FAF1: variants seen among roughly 807,000 people sequenced by gnomAD.
FAF1 encodes the protein FAS-associated factor 1.
A neutral mutation model predicts 92.5 loss-of-function variants in FAF1; 25 were observed. That is an observed-to-expected ratio of 0.27 (90% CI 0.20 to 0.38). The LOEUF (loss-of-function observed/expected upper bound fraction) is 0.38. Ranked by LOEUF, FAF1 falls within the 10% of genes least tolerant of loss-of-function variation. FAF1 has a pLI of 1.00. For synonymous variants in FAF1, 234 were observed against 273.2 expected, an observed-to-expected ratio of 0.86 and a Z score of 1.42; for missense variants, 636 against 793.3, an observed-to-expected ratio of 0.80 and a Z score of 2.38.
At chr1:50,483,379 T>C (rs941053018) in intron 17 of FAF1, among the ~76,000 whole-genome samples, 5 of 152,156 alleles carry the variant, frequency 3.3e-5, no homozygotes, top group East Asian at 1.9e-4. Flanking sequence ...AATACCACTA[T>C]GTCTTGATTA....
chr1:50,640,231 AC>A (rs1654258624), intron 8 of FAF1, among the ~76,000 whole-genome samples: 1 of 151,902 alleles, frequency 6.6e-6, no homozygotes, highest in Non-Finnish European at 1.5e-5. Flanking sequence ...GAATTAGTTT[AC>A]CTTAAATATC....
At chr1:50,653,869 C>T (rs1654986269) in intron 8 of FAF1, among the ~76,000 whole-genome samples, 3 of 151,624 alleles carry the variant, frequency 2.0e-5, no homozygotes. Context: ...GATTCCAAGT[C>T]AAAAATAAAT....
chr1:50,876,919 T>C (rs1478245407), intron 1 of FAF1, among the ~76,000 whole-genome samples: 1 of 152,212 alleles, frequency 6.6e-6, no homozygotes, highest in Non-Finnish European at 1.5e-5. Context: ...GAAGTAGTAT[T>C]GAATTACAAC....
intron 13 of FAF1, among the ~76,000 whole-genome samples, chr1:50,556,874 AAAAT>A (rs1356366481): frequency 1.3e-5 from 2 of 151,774 alleles, no homozygotes; most frequent in African/African-American, 2.4e-5. Context: ...AAAATAAAAT[AAAAT>A]AAATAAAATA....
intron 1 of FAF1, among the ~76,000 whole-genome samples, chr1:50,889,977 C>T (rs1644705263): frequency 6.6e-6 from 1 of 152,118 alleles, no homozygotes. Context: ...TTAAAGTCTC[C>T]TATTATTATT....
At chr1:50,557,876 A>G (rs1312458431) in intron 13 of FAF1, among the ~76,000 whole-genome samples, 1 of 152,014 alleles carries the variant, frequency 6.6e-6, no homozygotes, top group Non-Finnish European at 1.5e-5. Flanking sequence ...GATGGCATAT[A>G]TATATTTAAG....
At chr1:50,777,256 GA>G (rs755973344) in intron 4 of FAF1, among the ~76,000 whole-genome samples, 704 of 141,256 alleles carry the variant, frequency 5.0e-3, no homozygotes, top group African/African-American at 0.015. Context: ...TTCAAAAAGT[GA>G]AAAAAAAAAA....
At chr1:50,740,403 C>A (rs915644296) in intron 5 of FAF1, among the ~76,000 whole-genome samples, 10 of 151,996 alleles carry the variant, frequency 6.6e-5, no homozygotes, top group African/African-American at 2.4e-4. Flanking sequence ...AAGCATGGAA[C>A]ATATGGAACT....
At chr1:50,677,839 G>A (rs1569742401) in intron 7 of FAF1, among the ~76,000 whole-genome samples, 3 of 145,642 alleles carry the variant, frequency 2.1e-5, no homozygotes, top group Admixed American at 1.4e-4. Context: ...AGGTTGTGGT[G>A]AGCCGAGATT....
intron 1 of FAF1, among the ~76,000 whole-genome samples, chr1:50,952,297 A>G (rs531651967): frequency 1.2e-3 from 189 of 152,204 alleles, no homozygotes; most frequent in African/African-American, 4.1e-3. Flanking sequence ...TTTGGTGGAG[A>G]CGGGTTTTCG....
At chr1:50,721,288 CG>C (rs1380957074) in intron 6 of FAF1, among the ~76,000 whole-genome samples, 2 of 151,996 alleles carry the variant, frequency 1.3e-5, no homozygotes, top group East Asian at 1.9e-4. Context: ...GATCTCTGCT[CG>C]CTGCAACCTC....
chr1:50,775,426 C>T (rs1370795294), intron 4 of FAF1, among the ~76,000 whole-genome samples: 3 of 151,938 alleles, frequency 2.0e-5, no homozygotes, highest in Non-Finnish European at 4.4e-5. Flanking sequence ...AAAGCATATA[C>T]AAAATTTTAT....
Position 50,685,404 on chromosome 1 carries a change from G to A in FAF1, c.657+20382C>T, listed in dbSNP as rs115057676. On this transcript the variant is annotated intron_variant, in intron 7 of 18. Coordinates refer to ENST00000396153, the MANE Select transcript of FAF1 (RefSeq NM_007051.3). ...CCGTGTAGCGAGATAGAAGGAGGGT[G>A]AGGTAAACTACTGCTATAGTATATA... Among the ~76,000 whole-genome samples, 421 of 152,276 alleles carry A rather than the reference G, an allele frequency of 2.8e-3. 4 individuals are homozygous for A. Among genetic ancestry groups the A allele is most frequent in the African/African-American group, 9.6e-3 (399 of 41,560 alleles).
At chr1:50,689,532 C>G (rs1046132455) in intron 7 of FAF1, among the ~76,000 whole-genome samples, 1 of 152,062 alleles carries the variant, frequency 6.6e-6, no homozygotes, top group African/African-American at 2.4e-5. Context: ...TGCAGTGAGC[C>G]GAGATTGCGC....
intron 7 of FAF1, among the ~76,000 whole-genome samples, chr1:50,692,430 T>A (rs935553824): frequency 2.6e-5 from 4 of 152,058 alleles, no homozygotes; most frequent in Admixed American, 2.6e-4. Flanking sequence ...TTGACCAACA[T>A]CTCCGCTTTC....
chr1:50,629,265 G>A (rs1174431718), intron 8 of FAF1, among the ~76,000 whole-genome samples: 1 of 150,274 alleles, frequency 6.7e-6, no homozygotes, highest in African/African-American at 2.5e-5. Flanking sequence ...CGCCTCCCGC[G>A]TTCAAGTGAT....
At position 50,523,141 on chromosome 1, in the gene FAF1, A is replaced by G. The variant is rs189736881; in HGVS notation, c.1494+12228T>C. ...AAATAATATTCCATTGTATGGATATACCATATTTTTATCCATTAATCTGTT... is the reference window on the plus strand; with the variant it reads ...AAATAATATTCCATTGTATGGATATGCCATATTTTTATCCATTAATCTGTT... On this transcript the variant is annotated intron_variant, in intron 15 of 18. Transcript: ENST00000396153. 9.6e-4 allele frequency among the ~76,000 whole-genome samples: 147 copies of G among 152,342 alleles called. 1 individual carries two copies. Among genetic ancestry groups the G allele is most frequent in the Admixed American group, 1.4e-3 (21 of 15,304 alleles).
intron 4 of FAF1, among the ~76,000 whole-genome samples, chr1:50,755,235 G>A (rs543337468): frequency 6.6e-6 from 1 of 152,284 alleles, no homozygotes; most frequent in African/African-American, 2.4e-5. Flanking sequence ...TACAATGGGG[G>A]TACCGGCATT....
intron 13 of FAF1, among the ~76,000 whole-genome samples, chr1:50,551,165 C>T (rs375328060): frequency 3.9e-5 from 6 of 151,944 alleles, no homozygotes; most frequent in East Asian, 1.9e-4. Flanking sequence ...TATGAGATTA[C>T]GTATAGCTAT....
Sources: gnomAD v4.1 joint callset for allele counts (sites outside exome capture counted in the v4.1 genomes callset) on GRCh38, gnomAD v4.1.1 for gene constraint, MANE v1.5 for transcripts, NCBI Gene and HGNC (gene_info 2026-07-23, HGNC 2026-07-21) for gene names.